Variants in TLN1 observed in about 807,000 individuals in gnomAD.
The protein encoded by TLN1 is talin 1, also known as talin-1.
In TLN1, 56 loss-of-function variants were observed where a neutral mutation model predicts 292.3. The observed-to-expected ratio is 0.19, with a 90% CI of 0.15 to 0.24. TLN1 has a LOEUF of 0.24. TLN1 is among the 10% of genes least tolerant of loss of function. The probability of loss-of-function intolerance (pLI) is 1.00; values close to 1 mark genes in which losing one functional copy is unlikely to be tolerated. For synonymous variants in TLN1, 1,119 were observed against 1,253.7 expected (o/e 0.89, Z 2.27); for missense variants, 2,433 against 3,248.2 (o/e 0.75, Z 6.10).
chr9:35,699,958 C>T lies in TLN1; in HGVS notation c.6768+16G>A. 6.3e-7 allele frequency: 1 copy of T among 1,598,232 alleles called. No homozygotes were observed. Among genetic ancestry groups the T allele is most frequent in the Non-Finnish European group, 8.6e-7 (1 of 1,169,460 alleles). ...CAGGGAGGCTGGTATGAGGAACAAGCAACGCCCTCCCTTACCAGCAGTACA... is the reference window on the plus strand; with the variant it reads ...CAGGGAGGCTGGTATGAGGAACAAGTAACGCCCTCCCTTACCAGCAGTACA... On this transcript the variant is annotated intron_variant, in intron 50 of 56. Transcript: ENST00000314888. This position sits in a 1 kb window ranked among gnomAD's most constrained non-coding sequence, Gnocchi z 4.0.
Position 35,724,357 on chromosome 9 carries a change from A to G in TLN1, c.512-23T>C. On this transcript the variant is annotated intron_variant, in intron 5 of 56. Transcript: ENST00000314888. The surrounding 1 kb of genome is among the most constrained non-coding windows in gnomAD (Gnocchi z 4.7). ...TCACTGGGATACAGACAGTCCCCTCAGTGCCAAACCCCCATGGCCCCTGTG... is the reference window on the plus strand; with the variant it reads ...TCACTGGGATACAGACAGTCCCCTCGGTGCCAAACCCCCATGGCCCCTGTG... 6.2e-7 allele frequency: 1 copy of G among 1,613,944 alleles called. No individual in the cohort carries two copies. The highest frequency in any genetic ancestry group is 1.7e-4 in the Middle Eastern group (1 of 6,060).
Position 35,725,737 on chromosome 9 carries a change from G to T in TLN1, c.-33-10C>A. 1 of 1,607,250 alleles carries T rather than the reference G, an allele frequency of 6.2e-7. No homozygotes were observed. The highest frequency in any genetic ancestry group is 1.1e-5 in the South Asian group (1 of 90,588). ...TCCAGCCTGGCTATACCTGACCCAT[G>T]GCATCAGGGCATTAGAATACACTCT... On this transcript the variant is annotated splice_polypyrimidine_tract_variant and intron_variant, in intron 1 of 56. Transcript: ENST00000314888.
intron 1 of TLN1, among the ~76,000 whole-genome samples, chr9:35,727,687 T>G (rs1330021623): frequency 2.0e-5 from 3 of 152,104 alleles, no homozygotes; most frequent in Admixed American, 2.0e-4. Flanking sequence ...GGCTGGTGGA[T>G]CCGAGAAGCT....
In TLN1 at chr9:35,699,162, G is replaced by A. The variant is rs1825420288; in HGVS notation, c.6875-6C>T. 6.2e-7 allele frequency: 1 copy of A among 1,602,544 alleles called. No individual in the cohort carries two copies. Among genetic ancestry groups the A allele is most frequent in the Non-Finnish European group, 8.5e-7 (1 of 1,173,154 alleles). On this transcript the variant is annotated splice_region_variant and splice_polypyrimidine_tract_variant and intron_variant, in intron 51 of 56. Coordinates refer to ENST00000314888, the MANE Select transcript of TLN1 (RefSeq NM_006289.4). This position sits in a 1 kb window ranked among gnomAD's most constrained non-coding sequence, Gnocchi z 4.0. Reference sequence around the variant, plus strand: ...TGGGTCTACCCATTCTGTTCCTGGTGGGATGAAGGAAGAGGAAAGAGGCTA... The same window carrying A: ...TGGGTCTACCCATTCTGTTCCTGGTAGGATGAAGGAAGAGGAAAGAGGCTA...
Position 35,729,004 on chromosome 9 carries a change from G to C in TLN1, c.-34+3071C>G, listed in dbSNP as rs1307541968. Among the ~76,000 whole-genome samples, 3 of 152,150 alleles carry C rather than the reference G, an allele frequency of 2.0e-5. No individual in the cohort carries two copies. The East Asian group carries it at 5.8e-4, about 29-fold the overall frequency. On this transcript the variant is annotated intron_variant, in intron 1 of 56. Transcript: ENST00000314888. ...GGGAACCAAAAAGTCTCCATGATAA[G>C]TATCATTTGAAGCTAGAATTTTAAA...
At chr9:35,716,689 G>T in intron 19 of TLN1, 133 bp from the exon 20 acceptor site, 1 of 947,212 alleles carries the variant, frequency 1.1e-6, no homozygotes, top group Non-Finnish European at 1.5e-6. Flanking sequence ...ACTGGCAAAA[G>T]CTCTTGCATC....
Position 35,725,294 on chromosome 9 carries a change from T to A in TLN1, c.158A>T (p.Asp53Val), listed in dbSNP as rs1825953935. ...PPSDFGLFLS[D>V]DDPKKGIWLE... ...CCATATACCCTTTTTGGGGTCATCATCTGACAGAAAGAGCCCAAAGTCGCT... is the reference window on the plus strand; with the variant it reads ...CCATATACCCTTTTTGGGGTCATCAACTGACAGAAAGAGCCCAAAGTCGCT... Residue 53 changes from aspartate (D) to valine (V), a missense_variant, in exon 3 of 57, where the codon GAT becomes GTT. By Grantham distance (152) the Asp-to-Val change is radical. Around this residue, in one of 7 missense-constraint regions of TLN1, gnomAD observed 155 missense variants for 287.9 expected, o/e 0.54. Transcript: ENST00000314888. 6.2e-7 allele frequency: 1 copy of A among 1,614,078 alleles called. No individual in the cohort carries two copies. The highest frequency in any genetic ancestry group is 1.3e-5 in the African/African-American group (1 of 74,912).
rs772741193 is a variant in TLN1, at chr9:35,711,658, G to C, written c.3816C>G (p.Gly1272=). The part of the protein sequence containing the change: ...GTPQDLARAS[G]RFGQDFSTFL... The stretch of plus-strand genomic sequence containing the variant: ...AGGTGCTGAAGTCCTGTCCAAATCG[G>C]CCTGAGGCTCGAGCCAGGTCCTGAG... Residue 1272 remains glycine, a synonymous_variant, in exon 29 of 57, where the codon GGC becomes GGG. Transcript: ENST00000314888. The C allele has an allele frequency of 1.7e-5, 28 of 1,614,040 alleles. No homozygotes were observed. In the African/African-American group the frequency reaches 3.1e-4, roughly 18 times the overall value.
At position 35,712,057 on chromosome 9, in the gene TLN1, T is replaced by A; in HGVS notation, c.3629A>T (p.Asp1210Val). 2 of 1,614,092 alleles carry A rather than the reference T, an allele frequency of 1.2e-6. No individual in the cohort carries two copies. Among genetic ancestry groups the A allele is most frequent in the Non-Finnish European group, 1.7e-6 (2 of 1,180,016 alleles). ...VSCLPGQRDV[D>V]NALRAVGDAS... is the part of the protein sequence containing the mutation. ...ATCTCCAACTGCCCTCAGGGCATTA[T>A]CCACATCGCGCTGGCCAGGTAGGCA... The change falls in exon 28 of 57, where the codon GAT becomes GTT. Residue 1210 changes from aspartate (D) to valine (V), a missense_variant. Asp to Val is a radical substitution (Grantham distance 152, BLOSUM62 -3). This residue lies in a region of TLN1 where 1,384 missense variants were observed against 1,699.6 expected (regional missense o/e 0.81). Coordinates refer to ENST00000314888, the MANE Select transcript of TLN1 (RefSeq NM_006289.4).
intron 1 of TLN1, among the ~76,000 whole-genome samples, chr9:35,730,289 G>A (rs1038612305): frequency 2.0e-5 from 3 of 152,118 alleles, no homozygotes; most frequent in Admixed American, 2.0e-4. Context: ...GCTGGGTCAG[G>A]CTGAGTAGAG....
At chr9:35,709,076 TG>T (rs2131889315) in intron 33 of TLN1, among the ~76,000 whole-genome samples, 1 of 152,116 alleles carries the variant, frequency 6.6e-6, no homozygotes, top group East Asian at 1.9e-4. Context: ...TTTCAGAAGG[TG>T]GGGGGAAAAA....
Position 35,714,951 on chromosome 9 carries a change from G to C in TLN1, c.2755-75C>G. Reference sequence around the variant, plus strand: ...CCCAGTCCCTGGCCTACCTTGCCCAGGTTATGCCTCAAGGACGTATTAACT... The same window carrying C: ...CCCAGTCCCTGGCCTACCTTGCCCACGTTATGCCTCAAGGACGTATTAACT... On this transcript the variant is annotated intron_variant, in intron 21 of 56. Coordinates refer to ENST00000314888, the MANE Select transcript of TLN1 (RefSeq NM_006289.4). The surrounding 1 kb of genome is among the most constrained non-coding windows in gnomAD (Gnocchi z 4.6). 6.2e-7 allele frequency: 1 copy of C among 1,608,984 alleles called. No individual in the cohort carries two copies. The highest frequency in any genetic ancestry group is 8.5e-7 in the Non-Finnish European group (1 of 1,178,542).
rs201579023 is a variant in TLN1 at position 35,700,159 on chromosome 9, C to A, written c.6660+32G>T. On this transcript the variant is annotated intron_variant, in intron 49 of 56. Coordinates refer to ENST00000314888, the MANE Select transcript of TLN1 (RefSeq NM_006289.4). ...TCTCCCACTATGTTCTGGCCCAAAG[C>A]TGCCTCACGGAAATGCCTCAAGGAT... 3.3e-4 allele frequency: 522 copies of A among 1,591,966 alleles called. 3 individuals are homozygous for A. The African/African-American group carries it at 6.2e-3, about 19-fold the overall frequency.
chr9:35,699,045 C>A lies in TLN1; in HGVS notation c.6986G>T (p.Arg2329Leu). 4 of 1,613,056 alleles carry A rather than the reference C, an allele frequency of 2.5e-6. No homozygotes were observed. Among genetic ancestry groups the A allele is most frequent in the Non-Finnish European group, 3.4e-6 (4 of 1,179,316 alleles). ...AGCAGGACTGACCTTGGGTTTGGCC[C>A]GGGGCTTCAGCTGCTCTAGCTTTTT... ...AAKKLEQLKP[R>L]AKPKEADESL... The change falls in exon 52 of 57, where the codon CGG becomes CTG. Residue 2329 changes from arginine (R) to leucine (L), a missense_variant. This residue lies in a region of TLN1 where 1,384 missense variants were observed against 1,699.6 expected (regional missense o/e 0.81). Coordinates refer to ENST00000314888, the MANE Select transcript of TLN1 (RefSeq NM_006289.4). The surrounding 1 kb of genome is among the most constrained non-coding windows in gnomAD (Gnocchi z 4.0).
At chr9:35,720,553 G>A in intron 11 of TLN1, 44 bp from the exon 12 acceptor site, 1 of 1,587,304 alleles carries the variant, frequency 6.3e-7, no homozygotes, top group Non-Finnish European at 8.6e-7. Context: ...AGTTAAAGAA[G>A]AGGGAAGTGG....
chr9:35,720,538 G>A (rs1825862852), intron 11 of TLN1, 29 bp from the exon 12 acceptor site: 23 of 1,609,570 alleles, frequency 1.4e-5, no homozygotes, highest in Non-Finnish European at 1.7e-5. Flanking sequence ...AACAAGAGTT[G>A]GGATAGTTAA....
In TLN1 at chr9:35,719,335, G is replaced by C. The variant is rs1182644234; in HGVS notation, c.1688-53C>G. ...TGAGAGACAGGGCAGGCCAGACGAA[G>C]GGCTGGGGAGGGAGCAAAGTCACAC... On this transcript the variant is annotated intron_variant, in intron 15 of 56. Coordinates refer to ENST00000314888, the MANE Select transcript of TLN1 (RefSeq NM_006289.4). The surrounding 1 kb of genome is among the most constrained non-coding windows in gnomAD (Gnocchi z 4.6). 6.4e-7 allele frequency: 1 copy of C among 1,558,984 alleles called. No homozygotes were observed. Among genetic ancestry groups the C allele is most frequent in the East Asian group, 2.3e-5 (1 of 43,636 alleles).
Position 35,704,162 on chromosome 9 carries a change from C to T in TLN1, c.6060G>A (p.Leu2020=). The change falls in exon 46 of 57, where the codon CTG becomes CTA. Residue 2020 remains leucine (L), a synonymous_variant. Transcript: ENST00000314888. This position sits in a 1 kb window ranked among gnomAD's most constrained non-coding sequence, Gnocchi z 6.9. Reference sequence around the variant, plus strand: ...CCTCCACCAGCACCTTCGCAGTCTTCAGGATGCCCTCCCTGAGGGAGGGCC... The same window carrying T: ...CCTCCACCAGCACCTTCGCAGTCTTTAGGATGCCCTCCCTGAGGGAGGGCC... ...ETFADHREGI[L]KTAKVLVEDT... The T allele has an allele frequency of 6.3e-7, 1 of 1,597,650 alleles. No individual in the cohort carries two copies. The highest frequency in any genetic ancestry group is 8.5e-7 in the Non-Finnish European group (1 of 1,170,992).
chr9:35,725,410 A>T, intron 2 of TLN1, 89 bp from the exon 3 acceptor site: 1 of 1,545,138 alleles, frequency 6.5e-7, no homozygotes, highest in South Asian at 1.1e-5. Flanking sequence ...TATTTCTCCC[A>T]TGACCTTGGG....
Sources: gnomAD v4.1 joint callset for allele counts (sites outside exome capture counted in the v4.1 genomes callset) on GRCh38, gnomAD v4.1.1 for gene constraint, gnomAD v4.1.1 regional missense constraint, Gnocchi (gnomAD v3.1) non-coding constraint, MANE v1.5 for transcripts, NCBI Gene and HGNC (gene_info 2026-07-23, HGNC 2026-07-21) for gene names.